Variants in MDN1 observed in about 807,000 individuals in gnomAD.
MDN1 encodes the protein midasin AAA ATPase 1, also known as midasin.
MDN1 carries 266 observed loss-of-function variants against 669.2 expected under a neutral mutation model. That is an observed-to-expected ratio of 0.40 (90% confidence interval 0.36 to 0.44). The LOEUF (loss-of-function observed/expected upper bound fraction) is 0.44. MDN1 is among the 20% of genes least tolerant of loss of function. The pLI, the probability that MDN1 is intolerant of heterozygous loss-of-function variation, is 1.00. For missense variants in MDN1, 5,940 were observed against 6,754.0 expected (o/e 0.88, Z 4.22); for synonymous variants, 2,385 against 2,457.1 (o/e 0.97, Z 0.87).
chr6:89,650,796 G>A lies in MDN1; in HGVS notation c.15967C>T (p.Leu5323Phe), dbSNP rs780686138. 1.2e-6 allele frequency: 2 copies of A among 1,614,172 alleles called. No homozygotes were observed. Among genetic ancestry groups the A allele is most frequent in the Non-Finnish European group, 1.7e-6 (2 of 1,180,008 alleles). Reference protein sequence around the residue: ...WQSYLILTAPLSQRLCEELRL... With the variant: ...WQSYLILTAPFSQRLCEELRL... ...AGCTCTTCACATAACCGTTGTGAAA[G>A]AGGCGCTGTTAAGATCAGGTAACTC... The change falls in exon 96 of 102, where the codon CTT becomes TTT. Residue 5323 changes from leucine to phenylalanine, a missense_variant. Leu to Phe is a conservative substitution (Grantham distance 22). Around this residue, in one of 5 missense-constraint regions of MDN1, gnomAD observed 2,280 missense variants for 2,576.3 expected, o/e 0.88. Transcript: ENST00000369393.
chr6:89,783,884 A>C (rs1446276722), intron 9 of MDN1, among the ~76,000 whole-genome samples: 1 of 151,984 alleles, frequency 6.6e-6, no homozygotes, highest in Non-Finnish European at 1.5e-5. Context: ...CGGGAGGCTG[A>C]GGCAGGAGAA....
chr6:89,743,766 C>T (rs369327682), intron 29 of MDN1, 52 bp from the exon 30 acceptor site: 358 of 1,480,854 alleles, frequency 2.4e-4, no homozygotes, highest in Non-Finnish European at 3.1e-4. Context: ...AATACACATC[C>T]ATAAACACCC....
chr6:89,763,088 C>A (rs1413853478), intron 15 of MDN1, among the ~76,000 whole-genome samples: 1 of 151,970 alleles, frequency 6.6e-6, no homozygotes, highest in East Asian at 1.9e-4. Flanking sequence ...GAAAGTCCTA[C>A]TTGAATAGTA....
chr6:89,644,867 C>G, intron 101 of MDN1, 148 bp downstream of exon 101: 1 of 789,530 alleles, frequency 1.3e-6, no homozygotes, highest in Admixed American at 2.8e-5. Flanking sequence ...AAAATACTTA[C>G]AAGTGCCTAC....
intron 66 of MDN1, among the ~76,000 whole-genome samples, 193 bp downstream of exon 66, chr6:89,688,380 T>C (rs1278526761): frequency 6.6e-6 from 1 of 152,210 alleles, no homozygotes; most frequent in Admixed American, 6.5e-5. Context: ...TCCCCAATCA[T>C]TTACACAAGA....
chr6:89,680,906 T>C (rs1006351386), intron 73 of MDN1, among the ~76,000 whole-genome samples, 155 bp from the exon 74 acceptor site: 3 of 152,182 alleles, frequency 2.0e-5, no homozygotes, highest in Non-Finnish European at 2.9e-5. Flanking sequence ...AGACATACTG[T>C]GGATATTTAG....
rs376666482 is a variant in MDN1, at chr6:89,753,574, T to C, written c.3013A>G (p.Ile1005Val). 9.3e-6 allele frequency: 15 copies of C among 1,614,046 alleles called. No homozygotes were observed. Among genetic ancestry groups the C allele is most frequent in the South Asian group, 5.5e-5 (5 of 91,080 alleles). ...TGTTGACAGATGAGCTTCTGAACTA[T>C]TGGGTGTGATGCCCTGTCAAGCTGT... ...LTQLDRASHP[I>V]VQKLICQHIV... The change falls in exon 22 of 102, where the codon ATA (isoleucine) becomes GTA (valine). Residue 1005 changes from isoleucine (I) to valine (V), a missense_variant. Coordinates refer to ENST00000369393, the MANE Select transcript of MDN1 (RefSeq NM_014611.3).
intron 7 of MDN1, among the ~76,000 whole-genome samples, chr6:89,789,256 C>T (rs1819129203): frequency 6.6e-6 from 1 of 152,178 alleles, no homozygotes; most frequent in Non-Finnish European, 1.5e-5. Context: ...GTCTCAATGG[C>T]TAATTTCTTA....
intron 2 of MDN1, among the ~76,000 whole-genome samples, chr6:89,798,381 G>C (rs1819727647): frequency 6.6e-6 from 1 of 150,642 alleles, no homozygotes; most frequent in Admixed American, 6.6e-5. Flanking sequence ...GAGTGGTGGT[G>C]ATCCTAGCTA....
intron 71 of MDN1, among the ~76,000 whole-genome samples, chr6:89,684,463 C>G (rs1811869087): frequency 6.6e-6 from 1 of 151,724 alleles, no homozygotes; most frequent in Non-Finnish European, 1.5e-5. Context: ...TTAGGAACCA[C>G]CAAGTTAGTC....
chr6:89,777,310 T>C (rs1043777998), intron 11 of MDN1, among the ~76,000 whole-genome samples: 1 of 152,222 alleles, frequency 6.6e-6, no homozygotes, highest in Non-Finnish European at 1.5e-5. Context: ...GAGTGTGGGA[T>C]TGAAACCACC....
intron 17 of MDN1, among the ~76,000 whole-genome samples, chr6:89,760,194 A>C (rs1341311809): frequency 6.6e-6 from 1 of 152,214 alleles, no homozygotes; most frequent in Non-Finnish European, 1.5e-5. Flanking sequence ...CTAGGGCTTC[A>C]TCTAAGGACT....
chr6:89,705,965 TAAC>T, intron 53 of MDN1, 91 bp downstream of exon 53: 1 of 1,156,048 alleles, frequency 8.7e-7, no homozygotes, highest in Non-Finnish European at 1.2e-6. Flanking sequence ...ATTGGGCATA[TAAC>T]AACACTAAAG....
intron 17 of MDN1, among the ~76,000 whole-genome samples, chr6:89,760,335 T>C (rs1817479535): frequency 6.6e-6 from 1 of 152,152 alleles, no homozygotes; most frequent in Non-Finnish European, 1.5e-5. Context: ...GGCAATGAAG[T>C]GAACGGGTCC....
chr6:89,755,912 C>T (rs899288896), intron 20 of MDN1, among the ~76,000 whole-genome samples: 2 of 152,228 alleles, frequency 1.3e-5, no homozygotes, highest in African/African-American at 4.8e-5. Flanking sequence ...TTACATCCCA[C>T]ATAGCTAGTA....
In MDN1 at chr6:89,706,159, A is replaced by G; in HGVS notation, c.8048T>C (p.Ile2683Thr). ...AAAAAAAGCAGCAAGATTGACCACA[A>G]TTTCATGGGGCAGAGTGTGATAGCT... ...PESYHTLPHE[I>T]VVNLAAFFEL... is the part of the protein sequence containing the mutation. The change falls in exon 53 of 102, where the codon ATT becomes ACT. Residue 2683 changes from isoleucine to threonine, a missense_variant. Physicochemically the swap from Ile to Thr is moderately conservative, Grantham distance 89. Coordinates refer to ENST00000369393, the MANE Select transcript of MDN1 (RefSeq NM_014611.3). The G allele has an allele frequency of 8.7e-6, 14 of 1,613,774 alleles. No homozygotes were observed. The highest frequency in any genetic ancestry group is 1.1e-5 in the South Asian group (1 of 91,030).
chr6:89,655,679 A>G, intron 92 of MDN1, 85 bp downstream of exon 92: 1 of 1,252,918 alleles, frequency 8.0e-7, no homozygotes, highest in South Asian at 1.5e-5. Flanking sequence ...TACCCCACAA[A>G]TACGTATCAT....
intron 70 of MDN1, 65 bp downstream of exon 70, chr6:89,685,762 G>C: frequency 1.9e-6 from 3 of 1,560,144 alleles, no homozygotes; most frequent in Non-Finnish European, 2.6e-6. Flanking sequence ...GTCTCATGCA[G>C]AGAATTCAAA....
chr6:89,758,991 T>C lies in MDN1; in HGVS notation c.2461-31A>G, dbSNP rs115681941. ...AAAAGATAAAATAAAATGTTAACAATGTGTCAAATAAAGGCACACTTGCCA... is the reference window on the plus strand; with the variant it reads ...AAAAGATAAAATAAAATGTTAACAACGTGTCAAATAAAGGCACACTTGCCA... On this transcript the variant is annotated intron_variant, in intron 17 of 101. Transcript: ENST00000369393. 544 of 1,602,994 alleles carry C rather than the reference T, an allele frequency of 3.4e-4. 4 individuals are homozygous for C. The African/African-American group carries it at 6.5e-3, about 19-fold the overall frequency.
Sources: gnomAD v4.1 joint callset for allele counts (sites outside exome capture counted in the v4.1 genomes callset) on GRCh38, gnomAD v4.1.1 for gene constraint, gnomAD v4.1.1 regional missense constraint, MANE v1.5 for transcripts, NCBI Gene and HGNC (gene_info 2026-07-23, HGNC 2026-07-21) for gene names.